TACR2: variants seen among roughly 807,000 people sequenced by gnomAD.
The protein encoded by TACR2 is tachykinin receptor 2.
A neutral mutation model predicts 28.9 loss-of-function variants in TACR2; 24 were observed. That is an observed-to-expected ratio of 0.83 (90% CI 0.60 to 1.17). The LOEUF (loss-of-function observed/expected upper bound fraction) is 1.17. Among genes scored for constraint, TACR2 ranks in the 50% most tolerant of loss-of-function variants. The pLI is 0.00. For synonymous variants in TACR2, 222 were observed against 212.6 expected (o/e 1.04, Z -0.38); for missense variants, 487 against 524.4 (o/e 0.93, Z 0.70).
At chr10:69,407,757 CGG>C (rs1564580205) in intron 3 of TACR2, among the ~76,000 whole-genome samples, 1 of 152,170 alleles carries the variant, frequency 6.6e-6, no homozygotes, top group Admixed American at 6.5e-5. Context: ...CCTCTGCCCA[CGG>C]GTCAGCTCCT....
Position 69,416,560 on chromosome 10 carries a change from C to T in TACR2, c.-237G>A. 1 of 472,334 alleles carries T rather than the reference C, an allele frequency of 2.1e-6. No homozygotes were observed. The highest frequency in any genetic ancestry group is 3.7e-6 in the Non-Finnish European group (1 of 272,124). The allele number at this position is 472,334 out of a possible 1,614,324, so 29.3% of individuals were successfully genotyped here. On this transcript the variant is annotated 5_prime_UTR_variant, in exon 1 of 5. Coordinates refer to ENST00000373306, the MANE Select transcript of TACR2 (RefSeq NM_001057.3). ...TCATTTCAGATTCCATCCTTCCGGC[C>T]AGACTTCTCGAATATCATGTGGAAA...
intron 2 of TACR2, among the ~76,000 whole-genome samples, chr10:69,409,676 T>C: frequency 6.6e-6 from 1 of 151,882 alleles, no homozygotes; most frequent in East Asian, 1.9e-4. Flanking sequence ...TACTAGTTAC[T>C]GTTAATCTCT....
In TACR2 at chr10:69,407,268, T is replaced by TG. The variant is rs1564580039; in HGVS notation, c.753dup (p.Met252HisfsTer84). 1.9e-6 allele frequency: 3 copies of TG among 1,612,008 alleles called. No homozygotes were observed. In the Admixed American group the frequency reaches 5.0e-5, roughly 27 times the overall value. On this transcript the variant is annotated frameshift_variant, in exon 4 of 5. Coordinates refer to ENST00000373306, the MANE Select transcript of TACR2 (RefSeq NM_001057.3). LOFTEE classifies it high-confidence loss of function. ...GCAAACGTCAGCACCACCAGCACCA[T>TG]GGTCTTCACAAACTGGTCCAGGAGA...
At chr10:69,413,157 A>G (rs1253488595) in intron 2 of TACR2, among the ~76,000 whole-genome samples, 4 of 152,086 alleles carry the variant, frequency 2.6e-5, no homozygotes, top group Middle Eastern at 6.8e-3. Context: ...GGCATCTTTA[A>G]TTTCATCAGA....
chr10:69,410,706 G>A (rs541932485), intron 2 of TACR2, among the ~76,000 whole-genome samples: 10 of 152,116 alleles, frequency 6.6e-5, no homozygotes, highest in Admixed American at 1.3e-4. Context: ...CTTCCGATTC[G>A]CCCCAGTCTT....
At chr10:69,409,133 C>A in intron 2 of TACR2, 58 bp from the exon 3 acceptor site, 1 of 1,437,810 alleles carries the variant, frequency 7.0e-7, no homozygotes, top group East Asian at 2.8e-5. Flanking sequence ...CCGAAGTCTG[C>A]CAGCGCCTGG....
intron 3 of TACR2, 25 bp downstream of exon 3, chr10:69,408,897 T>TCCAGGCCCCCGCCCCCG (rs1351851935): frequency 1.1e-5 from 1 of 94,120 alleles, no homozygotes; most frequent in African/African-American, 1.7e-4. Flanking sequence ...CCCCGCCCCC[T>TCCAGGCCCCCGCCCCCG]CCAGGCCCCC....
At chr10:69,407,902 C>T (rs1272919353) in intron 3 of TACR2, among the ~76,000 whole-genome samples, 1 of 152,198 alleles carries the variant, frequency 6.6e-6, no homozygotes, top group Non-Finnish European at 1.5e-5. Context: ...GGTTGAGACC[C>T]CTAGTGTGGA....
In TACR2 at chr10:69,414,944, C is replaced by T. The variant is rs577335074; in HGVS notation, c.587+1G>A. The T allele has an allele frequency of 6.2e-7, 1 of 1,607,498 alleles. No individual in the cohort carries two copies. Among genetic ancestry groups the T allele is most frequent in the African/African-American group, 1.3e-5 (1 of 74,836 alleles). Reference sequence around the variant, plus strand: ...CCTCCACAATCCCCCAGAGGCCTTACAGGAGGAGCGTCTTGCCCCCGCTGT... The same window carrying T: ...CCTCCACAATCCCCCAGAGGCCTTATAGGAGGAGCGTCTTGCCCCCGCTGT... On this transcript the variant is annotated splice_donor_variant, in intron 2 of 4. Coordinates refer to ENST00000373306, the MANE Select transcript of TACR2 (RefSeq NM_001057.3). LOFTEE classifies it high-confidence loss of function.
chr10:69,415,804 C>T, intron 1 of TACR2, 128 bp downstream of exon 1: 1 of 1,138,250 alleles, frequency 8.8e-7, no homozygotes. Context: ...TGGACCATGA[C>T]CAGATTTGGG....
rs1840551488 is a variant in TACR2, at chr10:69,409,908, T to TATACATATATATATATACAC, written c.588-834_588-833insGTGTATATATATATATGTAT. 1.9e-4 allele frequency among the ~76,000 whole-genome samples: 4 copies of TATACATATATATATATACAC among 21,292 alleles called. No homozygotes were observed. In the East Asian group the frequency reaches 3.4e-3, roughly 18 times the overall value. The allele number at this position is 21,292 out of a possible 152,430, so 14.0% of individuals were successfully genotyped here. On this transcript the variant is annotated intron_variant, in intron 2 of 4. Coordinates refer to ENST00000373306, the MANE Select transcript of TACR2 (RefSeq NM_001057.3). ...ATATATACATATATATATATACATATATATATATATATATATATATATATA... is the reference window on the plus strand; with the variant it reads ...ATATATACATATATATATATACATATATACATATATATATATACACATATATATATATATATATATATATA...
At chr10:69,406,299 A>G (rs1840501529) in intron 4 of TACR2, among the ~76,000 whole-genome samples, 1 of 152,152 alleles carries the variant, frequency 6.6e-6, no homozygotes, top group Admixed American at 6.5e-5. Flanking sequence ...CTGCCACTGA[A>G]AGGCCTGCTC....
Position 69,415,914 on chromosome 10 carries a change from C to T in TACR2, c.392+18G>A, listed in dbSNP as rs1840612715. On this transcript the variant is annotated intron_variant, in intron 1 of 4. Transcript: ENST00000373306. ...TCAGTGGGGAGGCTCCCCCCAGCTT[C>T]CCCAAGGACCCTCTTGCCTGTCGGC... is the stretch of plus-strand genomic sequence containing the variant. The T allele has an allele frequency of 6.2e-7, 1 of 1,607,600 alleles. No individual in the cohort carries two copies. The highest frequency in any genetic ancestry group is 8.5e-7 in the Non-Finnish European group (1 of 1,174,986).
At position 69,404,940 on chromosome 10, in the gene TACR2, C is replaced by T; in HGVS notation, c.1083G>A (p.Gly361=). ...CHTKETLFMA[G]DTAPSEATSG... is the part of the protein sequence containing the mutation. ...TGGTAGCCTCGGAGGGGGCTGTGTC[C>T]CCAGCCATGAACAAAGTCTCCTTAG... is the stretch of plus-strand genomic sequence containing the variant. Residue 361 remains glycine (G), a synonymous_variant, in exon 5 of 5, where the codon GGG becomes GGA. Transcript: ENST00000373306. The T allele has an allele frequency of 6.2e-7, 1 of 1,614,180 alleles. No homozygotes were observed. The highest frequency in any genetic ancestry group is 1.1e-5 in the South Asian group (1 of 91,080).
chr10:69,408,973 G>C lies in TACR2; in HGVS notation c.690C>G (p.Pro230=), dbSNP rs960467417. Residue 230 remains proline, a synonymous_variant, in exon 3 of 5, where the codon CCC becomes CCG. Transcript: ENST00000373306. The part of the protein sequence containing the change: ...IGLTLWRRAV[P]GHQAHGANLR... ...GGTTGGCACCGTGCGCCTGATGTCC[G>C]GGCACTGCGCGCCTCCAGAGCGTGA... 2.5e-6 allele frequency: 4 copies of C among 1,600,742 alleles called. No homozygotes were observed. The highest frequency in any genetic ancestry group is 1.7e-5 in the Admixed American group (1 of 57,410).
In TACR2 at chr10:69,408,988, C is replaced by T; in HGVS notation, c.675G>A (p.Trp225Ter). 6.2e-7 allele frequency: 1 copy of T among 1,606,326 alleles called. No individual in the cohort carries two copies. Among genetic ancestry groups the T allele is most frequent in the Non-Finnish European group, 8.5e-7 (1 of 1,178,062 alleles). ...CCTGATGTCCGGGCACTGCGCGCCT[C>T]CAGAGCGTGAGGCCGATGACGCTGT... is the stretch of plus-strand genomic sequence containing the variant. ...VAYSVIGLTL[W>*]RRAVPGHQAH... Residue 225 changes from tryptophan to a stop codon, truncating the protein, a stop_gained, in exon 3 of 5, where the codon TGG becomes TGA. Transcript: ENST00000373306. LOFTEE classifies it high-confidence loss of function.
In TACR2 at chr10:69,408,943, G is replaced by GC. The variant is rs1840533426; in HGVS notation, c.719dup (p.His241ProfsTer95). The GC allele has an allele frequency of 1.3e-6, 2 of 1,522,410 alleles. No individual in the cohort carries two copies. The highest frequency in any genetic ancestry group is 1.8e-6 in the Non-Finnish European group (2 of 1,136,474). The allele number at this position is 1,522,410 out of a possible 1,614,324, so 94.3% of individuals were successfully genotyped here. A position where few individuals can be genotyped will look rare whatever the true frequency, so the allele number is the denominator to read the frequency against. Reference sequence around the variant, plus strand: ...CCACCTTCTTCATGGCCTGCAGGTGGCGCAGGTTGGCACCGTGCGCCTGAT... The same window carrying GC: ...CCACCTTCTTCATGGCCTGCAGGTGGCCGCAGGTTGGCACCGTGCGCCTGAT... On this transcript the variant is annotated frameshift_variant, in exon 3 of 5. Transcript: ENST00000373306. LOFTEE classifies it high-confidence loss of function.
Position 69,416,623 on chromosome 10 carries a change from C to A in TACR2, c.-300G>T, listed in dbSNP as rs1840622357. 9.5e-6 allele frequency: 3 copies of A among 316,954 alleles called. No individual in the cohort carries two copies. The allele number at this position is 316,954 out of a possible 1,614,324, so 19.6% of individuals were successfully genotyped here. Reference sequence around the variant, plus strand: ...ATCACAGTGTCAGAGCAGAAAACACCCTTATAAATCAACCCCTTCGCTGAA... The same window carrying A: ...ATCACAGTGTCAGAGCAGAAAACACACTTATAAATCAACCCCTTCGCTGAA... On this transcript the variant is annotated 5_prime_UTR_variant, in exon 1 of 5. Transcript: ENST00000373306.
Position 69,408,862 on chromosome 10 carries a change from C to G in TACR2, c.741+60G>C, listed in dbSNP as rs1400803192. The G allele has an allele frequency of 1.1e-5, 4 of 355,748 alleles. 2 individuals are homozygous for G. Among genetic ancestry groups the G allele is most frequent in the Non-Finnish European group, 1.5e-5 (4 of 264,954 alleles). 22.0% of individuals were successfully genotyped at this position (355,748 alleles called of 1,614,324 possible). On this transcript the variant is annotated intron_variant, in intron 3 of 4. Transcript: ENST00000373306. ...GCCCCGCCCCCATGAGGCCTCGCCC[C>G]CGCCAGCCCCCCGCCCCCTCCAGGC...
Sources: gnomAD v4.1 joint callset for allele counts (sites outside exome capture counted in the v4.1 genomes callset) on GRCh38, gnomAD v4.1.1 for gene constraint, MANE v1.5 for transcripts, NCBI Gene and HGNC (gene_info 2026-07-23, HGNC 2026-07-21) for gene names.